Variants in TMPRSS11A observed in about 807,000 individuals in gnomAD.
TMPRSS11A encodes the protein transmembrane protease serine 11A.
In TMPRSS11A, 53 loss-of-function variants were observed where a neutral mutation model predicts 58.9. The observed-to-expected ratio is 0.90, with a 90% CI of 0.72 to 1.13. The LOEUF is 1.13. TMPRSS11A is among the 50% of genes most tolerant of loss of function. The pLI is 0.00. For synonymous variants in TMPRSS11A, 167 were observed against 169.8 expected (o/e 0.98, Z 0.13); for missense variants, 493 against 499.3 (o/e 0.99, Z 0.12).
At chr4:67,931,846 A>G (rs959706122) in intron 4 of TMPRSS11A, 147 bp downstream of exon 4, 6 of 555,440 alleles carry the variant, frequency 1.1e-5, no homozygotes, top group African/African-American at 5.6e-5. Flanking sequence ...TCAGCCCTAT[A>G]CTTCAAGACT....
intron 9 of TMPRSS11A, among the ~76,000 whole-genome samples, chr4:67,914,228 T>G (rs1720084122): frequency 6.6e-6 from 1 of 152,262 alleles, no homozygotes; most frequent in Admixed American, 6.5e-5. Flanking sequence ...CCAAAAATGT[T>G]TCCTTCAAGA....
chr4:67,913,563 A>G (rs1720058598), intron 9 of TMPRSS11A, among the ~76,000 whole-genome samples: 1 of 152,154 alleles, frequency 6.6e-6, no homozygotes, highest in Admixed American at 6.5e-5. Flanking sequence ...GCTTTTCAGT[A>G]ATGTCATGGT....
intron 9 of TMPRSS11A, among the ~76,000 whole-genome samples, chr4:67,913,040 T>C (rs528373729): frequency 6.6e-6 from 1 of 152,324 alleles, no homozygotes; most frequent in African/African-American, 2.4e-5. Flanking sequence ...TGATTTTATC[T>C]TCCAATCCTT....
chr4:67,924,589 A>G (rs1386489394), intron 5 of TMPRSS11A, among the ~76,000 whole-genome samples: 4 of 152,172 alleles, frequency 2.6e-5, no homozygotes, highest in Non-Finnish European at 4.4e-5. Context: ...ATTTATAAAG[A>G]AAAAGAGGTT....
chr4:67,932,256 T>C (rs1720645979), intron 3 of TMPRSS11A, among the ~76,000 whole-genome samples, 196 bp from the exon 4 acceptor site: 1 of 152,184 alleles, frequency 6.6e-6, no homozygotes. Flanking sequence ...AGGGATCCTC[T>C]CCAAGAATTT....
At chr4:67,938,965 T>C (rs1016854616) in intron 3 of TMPRSS11A, among the ~76,000 whole-genome samples, 1 of 152,088 alleles carries the variant, frequency 6.6e-6, no homozygotes, top group African/African-American at 2.4e-5. Flanking sequence ...TGTTGGTAGT[T>C]TGATAGGAAT....
chr4:67,956,667 G>A (rs902678033), intron 1 of TMPRSS11A, among the ~76,000 whole-genome samples: 10 of 152,136 alleles, frequency 6.6e-5, no homozygotes, highest in African/African-American at 1.9e-4. Context: ...ATAATAAATG[G>A]TAGCTGTTGA....
intron 3 of TMPRSS11A, among the ~76,000 whole-genome samples, chr4:67,941,807 G>A (rs1720884820): frequency 1.3e-5 from 2 of 152,152 alleles, no homozygotes; most frequent in South Asian, 4.1e-4. Context: ...ATATTTTTAT[G>A]TCTTAGAAGG....
rs1460081857 is a variant in TMPRSS11A, at chr4:67,910,126, G to A, written c.*1216C>T. On this transcript the variant is annotated 3_prime_UTR_variant, in exon 10 of 10. Transcript: ENST00000508048. ...AATTTAATTGTATTACGAAATACAT[G>A]AGCCTTACTCTCCTAATGACTTCAG... 6.6e-6 allele frequency: 1 copy of A among 151,948 alleles called. No homozygotes were observed. The highest frequency in any genetic ancestry group is 1.5e-5 in the Non-Finnish European group (1 of 67,930). 9.4% of individuals were successfully genotyped at this position (151,948 alleles called of 1,614,324 possible).
intron 1 of TMPRSS11A, among the ~76,000 whole-genome samples, chr4:67,954,074 G>A (rs1302403215): frequency 6.6e-6 from 1 of 152,162 alleles, no homozygotes; most frequent in Non-Finnish European, 1.5e-5. Context: ...CTCAGGCTGA[G>A]CTGAGTTCAA....
At chr4:67,915,989 C>G (rs1429323262) in intron 8 of TMPRSS11A, among the ~76,000 whole-genome samples, 1 of 152,166 alleles carries the variant, frequency 6.6e-6, no homozygotes, top group Non-Finnish European at 1.5e-5. Context: ...TGAGAGATCT[C>G]TTGAACTTTT....
At chr4:67,938,927 G>C (rs1257873249) in intron 3 of TMPRSS11A, among the ~76,000 whole-genome samples, 1 of 150,486 alleles carries the variant, frequency 6.6e-6, no homozygotes, top group Non-Finnish European at 1.5e-5. Context: ...ATTTACAAAA[G>C]CTTTTTCTAA....
intron 3 of TMPRSS11A, among the ~76,000 whole-genome samples, chr4:67,932,383 T>C (rs1346209549): frequency 1.3e-5 from 2 of 152,068 alleles, no homozygotes; most frequent in East Asian, 1.9e-4. Flanking sequence ...TAAAACACCA[T>C]AGAAGGAGTA....
At chr4:67,951,398 C>A (rs1267456878) in intron 1 of TMPRSS11A, among the ~76,000 whole-genome samples, 1 of 152,148 alleles carries the variant, frequency 6.6e-6, no homozygotes, top group Admixed American at 6.6e-5. Context: ...TCTAAGTTGG[C>A]AACTTCTGTG....
intron 7 of TMPRSS11A, among the ~76,000 whole-genome samples, chr4:67,920,622 T>G (rs1202017882): frequency 4.7e-5 from 7 of 150,506 alleles, no homozygotes; most frequent in Non-Finnish European, 1.0e-4. Flanking sequence ...TATATATGTG[T>G]GTGCATATAT....
In TMPRSS11A at chr4:67,910,627, CTCTA is replaced by C. The variant is rs1008073851; in HGVS notation, c.*711_*714del. 3.3e-5 allele frequency: 5 copies of C among 152,000 alleles called. No individual in the cohort carries two copies. Among genetic ancestry groups the C allele is most frequent in the Non-Finnish European group, 7.4e-5 (5 of 67,936 alleles). 9.4% of individuals were successfully genotyped at this position (152,000 alleles called of 1,614,324 possible). A position where few individuals can be genotyped will look rare whatever the true frequency, so the allele number is the denominator to read the frequency against. ...ATATATAGTTTTGATTAACTAATCA[CTCTA>C]TCTATCTATATATAATTCATTAATC... is the stretch of plus-strand genomic sequence containing the variant. On this transcript the variant is annotated 3_prime_UTR_variant, in exon 10 of 10. Transcript: ENST00000508048.
At chr4:67,915,401 C>T (rs1424293065) in intron 8 of TMPRSS11A, among the ~76,000 whole-genome samples, 1 of 152,068 alleles carries the variant, frequency 6.6e-6, no homozygotes, top group Admixed American at 6.6e-5. Flanking sequence ...ACCATGACCC[C>T]ATGGTTGGCA....
intron 5 of TMPRSS11A, among the ~76,000 whole-genome samples, chr4:67,927,701 C>G (rs917623459): frequency 6.6e-6 from 1 of 152,190 alleles, no homozygotes; most frequent in Non-Finnish European, 1.5e-5. Context: ...AGCAACACCC[C>G]CTAGGCTCCC....
chr4:67,920,544 TATA>T (rs1308229954), intron 7 of TMPRSS11A, among the ~76,000 whole-genome samples: 7 of 83,946 alleles, frequency 8.3e-5, no homozygotes, highest in African/African-American at 3.4e-4. Flanking sequence ...TATATATATA[TATA>T]TATTTTTTTT....
Sources: gnomAD v4.1 joint callset for allele counts (sites outside exome capture counted in the v4.1 genomes callset) on GRCh38, gnomAD v4.1.1 for gene constraint, MANE v1.5 for transcripts, NCBI Gene and HGNC (gene_info 2026-07-23, HGNC 2026-07-21) for gene names.